KCNH5: variants seen among roughly 807,000 people sequenced by gnomAD.
The protein encoded by KCNH5 is voltage-gated delayed rectifier potassium channel KCNH5.
A neutral mutation model predicts 96.1 loss-of-function variants in KCNH5; 46 were observed. The ratio of observed to expected loss-of-function variants is 0.48; its 90% CI spans 0.38 to 0.61. The LOEUF (loss-of-function observed/expected upper bound fraction) is 0.61. Ranked by LOEUF, KCNH5 falls within the 20% of genes least tolerant of loss-of-function variation. The pLI, the probability that KCNH5 is intolerant of heterozygous loss-of-function variation, is 0.00. For synonymous variants in KCNH5, 439 were observed against 449.8 expected, an observed-to-expected ratio of 0.98 and a Z score of 0.30; for missense variants, 907 against 1,225.8, an observed-to-expected ratio of 0.74 and a Z score of 3.88.
intron 10 of KCNH5, among the ~76,000 whole-genome samples, chr14:62,721,072 T>C (rs1290675400): frequency 6.6e-6 from 1 of 152,194 alleles, no homozygotes; most frequent in Admixed American, 6.5e-5. Context: ...TAAATTCCTT[T>C]ATTATTCTCT....
chr14:62,742,674 T>A (rs1160913648), intron 10 of KCNH5, among the ~76,000 whole-genome samples: 1 of 152,136 alleles, frequency 6.6e-6, no homozygotes, highest in Non-Finnish European at 1.5e-5. Flanking sequence ...CTAAAGATTA[T>A]ACAATCTCCA....
At chr14:62,727,547 C>T (rs1315363325) in intron 10 of KCNH5, among the ~76,000 whole-genome samples, 1 of 152,020 alleles carries the variant, frequency 6.6e-6, no homozygotes, top group East Asian at 1.9e-4. Context: ...GTAGACATTT[C>T]TATATATGAG....
chr14:62,797,465 G>A (rs765906323), intron 9 of KCNH5, among the ~76,000 whole-genome samples: 14 of 152,096 alleles, frequency 9.2e-5, no homozygotes, highest in Non-Finnish European at 1.8e-4. Context: ...AAGTATGGGT[G>A]CAAAAGAAAA....
chr14:62,807,104 T>C (rs12433281), intron 8 of KCNH5, among the ~76,000 whole-genome samples: 20,074 of 152,110 alleles, frequency 0.13, 1,522 homozygotes, highest in Admixed American at 0.2. Context: ...GGCAATGCTT[T>C]TCTCTCTCTC....
rs530911975 is a variant in KCNH5 at position 62,860,880 on chromosome 14, C to T, written c.1370-11028G>A. Among the ~76,000 whole-genome samples, 5 of 152,306 alleles carry T rather than the reference C, an allele frequency of 3.3e-5. No individual in the cohort carries two copies. In the South Asian group the frequency reaches 6.2e-4, roughly 19 times the overall value. ...CTATCTATGCCAACCTTGGAACACT[C>T]GTCACTTCTCCATGTTTCTCAGAAA... On this transcript the variant is annotated intron_variant, in intron 7 of 10. Transcript: ENST00000322893.
In KCNH5 at chr14:62,795,272, T is replaced by C. The variant is rs192895367; in HGVS notation, c.1822+7057A>G. On this transcript the variant is annotated intron_variant, in intron 9 of 10. Transcript: ENST00000322893. Reference sequence around the variant, plus strand: ...TTCTGGGTACCCAGAACTGAAACAATTATGAAAACAGTTTGTTGGCAAAAT... The same window carrying C: ...TTCTGGGTACCCAGAACTGAAACAACTATGAAAACAGTTTGTTGGCAAAAT... 3.3e-4 allele frequency among the ~76,000 whole-genome samples: 50 copies of C among 152,104 alleles called. 1 individual carries two copies. In the East Asian group the frequency reaches 9.3e-3, roughly 28 times the overall value.
intron 8 of KCNH5, among the ~76,000 whole-genome samples, chr14:62,846,304 T>A (rs944857907): frequency 6.6e-6 from 1 of 152,196 alleles, no homozygotes; most frequent in African/African-American, 2.4e-5. Flanking sequence ...TCACTTTACA[T>A]ATTAAGGTAA....
chr14:62,978,279 G>C (rs1239268220), intron 6 of KCNH5, among the ~76,000 whole-genome samples: 1 of 152,146 alleles, frequency 6.6e-6, no homozygotes, highest in Admixed American at 6.5e-5. Flanking sequence ...GGTAACAATA[G>C]GCTTTCTAAA....
intron 10 of KCNH5, among the ~76,000 whole-genome samples, chr14:62,709,713 A>C (rs1056584001): frequency 1.3e-5 from 2 of 152,186 alleles, no homozygotes; most frequent in Non-Finnish European, 2.9e-5. Context: ...ACTTATGATA[A>C]CCCCATCAGA....
At chr14:62,993,213 C>T (rs1890845248) in intron 4 of KCNH5, among the ~76,000 whole-genome samples, 3 of 151,992 alleles carry the variant, frequency 2.0e-5, no homozygotes, top group Admixed American at 2.0e-4. Flanking sequence ...TTTGGGTTAA[C>T]ATAGCTTTGT....
chr14:62,978,905 T>C (rs553999872), intron 6 of KCNH5, among the ~76,000 whole-genome samples: 1 of 152,346 alleles, frequency 6.6e-6, no homozygotes, highest in East Asian at 1.9e-4. Context: ...ACAGTTATCA[T>C]TTTTGTGGTG....
At chr14:62,709,059 C>G (rs1028947729) in intron 10 of KCNH5, among the ~76,000 whole-genome samples, 1 of 151,270 alleles carries the variant, frequency 6.6e-6, no homozygotes, top group African/African-American at 2.4e-5. Flanking sequence ...CGGTGAAACC[C>G]CGTCTCTACT....
intron 6 of KCNH5, among the ~76,000 whole-genome samples, chr14:62,978,570 G>C (rs935268993): frequency 2.0e-5 from 3 of 147,070 alleles, no homozygotes; most frequent in Non-Finnish European, 4.5e-5. Flanking sequence ...TTGAGCGACA[G>C]AGTGAGACTC....
chr14:62,758,381 A>G (rs1885672016), intron 10 of KCNH5, among the ~76,000 whole-genome samples: 1 of 152,068 alleles, frequency 6.6e-6, no homozygotes. Context: ...TAATACATAT[A>G]CCTACTATAT....
intron 2 of KCNH5, among the ~76,000 whole-genome samples, chr14:63,015,458 A>G (rs1377926050): frequency 6.6e-6 from 1 of 151,400 alleles, no homozygotes; most frequent in Non-Finnish European, 1.5e-5. Flanking sequence ...AACATGGATG[A>G]CTCTCTCTCT....
chr14:62,997,899 C>T (rs1420905921), intron 4 of KCNH5, among the ~76,000 whole-genome samples: 2 of 60,828 alleles, frequency 3.3e-5, no homozygotes, highest in African/African-American at 1.2e-4. Flanking sequence ...GACTCCATCT[C>T]AAAAAAAAAA....
chr14:62,912,873 G>C (rs757008635), intron 7 of KCNH5, among the ~76,000 whole-genome samples: 1 of 152,160 alleles, frequency 6.6e-6, no homozygotes, highest in Non-Finnish European at 1.5e-5. Flanking sequence ...AGGCAGTAAG[G>C]TATAGTCCCT....
chr14:62,995,187 T>C (rs1458695300), intron 4 of KCNH5, among the ~76,000 whole-genome samples: 6 of 152,072 alleles, frequency 3.9e-5, no homozygotes, highest in Admixed American at 3.9e-4. Context: ...AAGTAGGAGA[T>C]TAATGTTAAT....
At chr14:62,884,266 T>C (rs2140079175) in intron 7 of KCNH5, among the ~76,000 whole-genome samples, 1 of 152,294 alleles carries the variant, frequency 6.6e-6, no homozygotes, top group Non-Finnish European at 1.5e-5. Context: ...TTTCTCTGAG[T>C]CTGTGAATTG....
Sources: gnomAD v4.1 joint callset for allele counts (sites outside exome capture counted in the v4.1 genomes callset) on GRCh38, gnomAD v4.1.1 for gene constraint, MANE v1.5 for transcripts, NCBI Gene and HGNC (gene_info 2026-07-23, HGNC 2026-07-21) for gene names.